The following PIWIL4 variants were observed in gnomAD, a reference collection of about 807,000 sequenced individuals.
PIWIL4 encodes the protein piwi-like protein 4.
A neutral mutation model predicts 100.9 loss-of-function variants in PIWIL4; 50 were observed. The observed-to-expected ratio is 0.50, with a 90% confidence interval of 0.39 to 0.63. The LOEUF is 0.63. Ranked by LOEUF, PIWIL4 falls within the 20% of genes least tolerant of loss-of-function variation. PIWIL4 has a pLI of 0.00. For missense variants in PIWIL4, 887 were observed against 1,043.3 expected, an observed-to-expected ratio of 0.85 and a Z score of 2.06; for synonymous variants, 342 against 367.5, an observed-to-expected ratio of 0.93 and a Z score of 0.79.
chr11:94,619,786 G>A lies in PIWIL4; in HGVS notation c.2195G>A (p.Arg732Lys). 6.2e-7 allele frequency: 1 copy of A among 1,614,108 alleles called. No homozygotes were observed. Among genetic ancestry groups the A allele is most frequent in the African/African-American group, 1.3e-5 (1 of 75,054 alleles). ...TCAAGACTGTCGGTGATTGTGGTCA[G>A]GAAGAAGTGCATGCCACGATTCTTT... ...TSSRLSVIVV[R>K]KKCMPRFFTE... Residue 732 changes from arginine (R) to lysine (K), a missense_variant, in exon 18 of 20, where the codon AGG (arginine) becomes AAG (lysine). Coordinates refer to ENST00000299001, the MANE Select transcript of PIWIL4 (RefSeq NM_152431.3).
In PIWIL4 at chr11:94,620,976, A is replaced by G; in HGVS notation, c.2543A>G (p.His848Arg). ...HKEPSLELAN[H>R]LFYL ...GAACCCAGTCTGGAATTAGCCAACC[A>G]TCTCTTCTACCTGTGATGGCATGAA... is the stretch of plus-strand genomic sequence containing the variant. Residue 848 changes from histidine to arginine, a missense_variant, in exon 20 of 20, where the codon CAT becomes CGT. By Grantham distance (29) the His-to-Arg change is conservative. Transcript: ENST00000299001. 3 of 1,612,306 alleles carry G rather than the reference A, an allele frequency of 1.9e-6. No individual in the cohort carries two copies. The highest frequency in any genetic ancestry group is 1.1e-5 in the South Asian group (1 of 91,024).
At chr11:94,577,575 G>A (rs1948255936) in intron 4 of PIWIL4, 83 bp downstream of exon 4, 5 of 1,043,200 alleles carry the variant, frequency 4.8e-6, no homozygotes, top group Non-Finnish European at 6.7e-6. Flanking sequence ...ATATGCATAT[G>A]CAAGGAGATT....
At chr11:94,583,605 A>G (rs771431700) in intron 5 of PIWIL4, 36 bp downstream of exon 5, 28 of 1,611,640 alleles carry the variant, frequency 1.7e-5, no homozygotes, top group South Asian at 1.1e-4. Context: ...ATTTGGGCTA[A>G]TGATACCTTT....
At chr11:94,581,311 A>G (rs7342170) in intron 4 of PIWIL4, among the ~76,000 whole-genome samples, 1 of 152,002 alleles carries the variant, frequency 6.6e-6, no homozygotes, top group African/African-American at 2.4e-5. Context: ...AAAGGCAAGA[A>G]TATTTCTAGC....
intron 13 of PIWIL4, among the ~76,000 whole-genome samples, chr11:94,604,388 T>C (rs1173712344): frequency 6.6e-6 from 1 of 152,194 alleles, no homozygotes; most frequent in Admixed American, 6.5e-5. Flanking sequence ...CAGTGTTCCC[T>C]ATATTTCAGG....
intron 2 of PIWIL4, among the ~76,000 whole-genome samples, chr11:94,574,149 T>A (rs546707333): frequency 2.6e-5 from 4 of 152,342 alleles, no homozygotes; most frequent in African/African-American, 4.8e-5. Context: ...AAAATACTCA[T>A]TTGGAAACAG....
At chr11:94,574,666 G>A (rs1381683529) in intron 2 of PIWIL4, among the ~76,000 whole-genome samples, 1 of 152,130 alleles carries the variant, frequency 6.6e-6, no homozygotes, top group Non-Finnish European at 1.5e-5. Flanking sequence ...GTTTTTGGTA[G>A]AGACAGGGTT....
chr11:94,618,501 TG>T (rs1420205880), intron 17 of PIWIL4, among the ~76,000 whole-genome samples: 1 of 152,196 alleles, frequency 6.6e-6, no homozygotes, highest in Non-Finnish European at 1.5e-5. Flanking sequence ...CCAAAGCCTC[TG>T]AGTTGCAGGC....
intron 2 of PIWIL4, 36 bp from the exon 3 acceptor site, chr11:94,574,963 A>G (rs1313658045): frequency 6.3e-7 from 1 of 1,595,196 alleles, no homozygotes; most frequent in Non-Finnish European, 8.6e-7. Context: ...ACTAGAATGA[A>G]ATATTAGCTG....
intron 13 of PIWIL4, 122 bp downstream of exon 13, chr11:94,604,178 C>A: frequency 2.0e-6 from 1 of 491,172 alleles, no homozygotes; most frequent in East Asian, 3.6e-5. Flanking sequence ...TCCAAAGCAC[C>A]GAAGAAAATA....
Position 94,577,314 on chromosome 11 carries a change from T to A in PIWIL4, c.335T>A (p.Leu112His). 1 of 1,614,098 alleles carries A rather than the reference T, an allele frequency of 6.2e-7. No homozygotes were observed. The highest frequency in any genetic ancestry group is 8.5e-7 in the Non-Finnish European group (1 of 1,179,992). The change falls in exon 4 of 20, where the codon CTC becomes CAC. Residue 112 changes from leucine to histidine, a missense_variant. By Grantham distance (99) the Leu-to-His change is moderately conservative. Transcript: ENST00000299001. The part of the protein sequence containing the change: ...SGIPVKLVTN[L>H]FNLDFPQDWQ... ...ATACCTGTGAAACTGGTTACAAACC[T>A]CTTTAACTTAGATTTTCCCCAAGAC...
chr11:94,606,740 A>C (rs1948723926), intron 13 of PIWIL4, among the ~76,000 whole-genome samples: 1 of 151,966 alleles, frequency 6.6e-6, no homozygotes, highest in Admixed American at 6.6e-5. Flanking sequence ...AGGCTGAGGC[A>C]CAAGAATCGC....
chr11:94,583,624 A>G, intron 5 of PIWIL4, 55 bp downstream of exon 5: 4 of 1,601,242 alleles, frequency 2.5e-6, no homozygotes, highest in Non-Finnish European at 3.4e-6. Context: ...TTCAGCATAG[A>G]GCCTGGGTAT....
chr11:94,618,175 A>G lies in PIWIL4; in HGVS notation c.2168+68A>G, dbSNP rs1948866840. 4.5e-5 allele frequency: 64 copies of G among 1,429,452 alleles called. 1 individual carries two copies. In the South Asian group the frequency reaches 9.3e-4, roughly 21 times the overall value. The allele number at this position is 1,429,452 out of a possible 1,614,324, so 88.5% of individuals were successfully genotyped here. ...ATATTCAGCTGTAGCTATTACACAC[A>G]AGGTATTCAAGCATAAGTTTTGTTT... On this transcript the variant is annotated intron_variant, in intron 17 of 19. Coordinates refer to ENST00000299001, the MANE Select transcript of PIWIL4 (RefSeq NM_152431.3).
chr11:94,609,914 T>C (rs892048081), intron 15 of PIWIL4, among the ~76,000 whole-genome samples: 9 of 152,082 alleles, frequency 5.9e-5, no homozygotes, highest in African/African-American at 2.2e-4. Context: ...TCTACTCTCT[T>C]AGCAAATTTC....
intron 16 of PIWIL4, among the ~76,000 whole-genome samples, chr11:94,617,111 C>T (rs1350236261): frequency 6.6e-6 from 1 of 152,150 alleles, no homozygotes; most frequent in Non-Finnish European, 1.5e-5. Flanking sequence ...ACCCTTCCCT[C>T]TCCTGATCTG....
chr11:94,601,465 A>T (rs1247893919), intron 11 of PIWIL4, among the ~76,000 whole-genome samples: 1 of 152,204 alleles, frequency 6.6e-6, no homozygotes, highest in East Asian at 1.9e-4. Context: ...AGTCATTCAT[A>T]ATAAAGGCAT....
At chr11:94,620,575 G>C (rs1447619127) in intron 19 of PIWIL4, among the ~76,000 whole-genome samples, 1 of 152,080 alleles carries the variant, frequency 6.6e-6, no homozygotes, top group Non-Finnish European at 1.5e-5. Flanking sequence ...CCAAGCCCAA[G>C]GTTTGCACGA....
chr11:94,618,095 G>C lies in PIWIL4; in HGVS notation c.2156G>C (p.Ser719Thr), dbSNP rs1196194560. ...CTGCTGAGCAGTGTGGCAGAATCCA[G>C]CTCAAATACCAGGTATTCAATTATT... is the stretch of plus-strand genomic sequence containing the variant. The part of the protein sequence containing the change: ...PQLLSSVAES[S>T]SNTSSRLSVI... The change falls in exon 17 of 20, where the codon AGC becomes ACC. Residue 719 changes from serine to threonine, a missense_variant. Physicochemically the swap from Ser to Thr is moderately conservative, Grantham distance 58. Around this residue, in one of 2 missense-constraint regions of PIWIL4, gnomAD observed 741 missense variants for 930.0 expected, o/e 0.80. Transcript: ENST00000299001. 6.4e-7 allele frequency: 1 copy of C among 1,568,380 alleles called. No individual in the cohort carries two copies. The highest frequency in any genetic ancestry group is 1.8e-5 in the Admixed American group (1 of 54,602).
Sources: allele counts gnomAD v4.1 joint callset (sites outside exome capture counted in the v4.1 genomes callset), GRCh38; gene constraint gnomAD v4.1.1; regional missense constraint gnomAD v4.1.1; transcripts MANE v1.5; gene names NCBI Gene and HGNC (gene_info 2026-07-23, HGNC 2026-07-21).